The following RASSF2 variants were observed in gnomAD, a reference collection of about 807,000 sequenced individuals.
RASSF2 encodes the protein ras association domain-containing protein 2.
RASSF2 carries 34 observed loss-of-function variants against 46.3 expected under a neutral mutation model. That is an observed-to-expected ratio of 0.73 (90% CI 0.56 to 0.98). The LOEUF is 0.98. RASSF2 is among the 50% of genes least tolerant of loss of function. The pLI is 0.00. For missense variants in RASSF2, 364 were observed against 431.2 expected (o/e 0.84, Z 1.38); for synonymous variants, 158 against 162.5 (o/e 0.97, Z 0.21).
chr20:4,785,314 G>A (rs1046866429), intron 11 of RASSF2, among the ~76,000 whole-genome samples: 4 of 152,134 alleles, frequency 2.6e-5, no homozygotes, highest in African/African-American at 9.7e-5. Flanking sequence ...ACTCCAGCCT[G>A]AGCAACAGAG....
In RASSF2 at chr20:4,800,981, T is replaced by C. The variant is rs1433249237; in HGVS notation, c.50A>G (p.Tyr17Cys). ...CAGCAAAACGTCTTACTTGGAAATG[T>C]ATTTATCTTGTCCACATGGGACTAG... The part of the protein sequence containing the change: ...TSLVPCGQDK[Y>C]ISKNELLLHL... The change falls in exon 3 of 12, where the codon TAC becomes TGC. Residue 17 changes from tyrosine to cysteine, a missense_variant. Transcript: ENST00000379400. The C allele has an allele frequency of 6.2e-7, 1 of 1,610,952 alleles. No homozygotes were observed. Among genetic ancestry groups the C allele is most frequent in the Non-Finnish European group, 8.5e-7 (1 of 1,177,058 alleles).
At position 4,795,500 on chromosome 20, in the gene RASSF2, G is replaced by A; in HGVS notation, c.287+315C>T. Reference sequence around the variant, plus strand: ...GAAATATACAGGCTGGGCCTCACTAGCCACTAGCAGCTCCACTCAGAGACT... The same window carrying A: ...GAAATATACAGGCTGGGCCTCACTAACCACTAGCAGCTCCACTCAGAGACT... On this transcript the variant is annotated intron_variant, in intron 5 of 11. Transcript: ENST00000379400. This position sits in a 1 kb window ranked among gnomAD's most constrained non-coding sequence, Gnocchi z 4.0. 4.0e-6 allele frequency: 1 copy of A among 247,428 alleles called. No individual in the cohort carries two copies. Among genetic ancestry groups the A allele is most frequent in the East Asian group, 8.8e-5 (1 of 11,368 alleles). The allele number at this position is 247,428 out of a possible 1,614,324, so 15.3% of individuals were successfully genotyped here.
intron 5 of RASSF2, among the ~76,000 whole-genome samples, 172 bp from the exon 6 acceptor site, chr20:4,792,799 C>T (rs76810038): frequency 2.3e-3 from 352 of 152,260 alleles, no homozygotes; most frequent in Non-Finnish European, 4.0e-3. Flanking sequence ...CGGAGCATCC[C>T]GTGAAAGGCT....
At chr20:4,815,999 T>C (rs1157648614) in intron 2 of RASSF2, among the ~76,000 whole-genome samples, 2 of 152,254 alleles carry the variant, frequency 1.3e-5, no homozygotes, top group African/African-American at 4.8e-5. Flanking sequence ...TAAACATTTT[T>C]TGTTTTATTT....
chr20:4,794,986 GA>G (rs1283892249), intron 5 of RASSF2, among the ~76,000 whole-genome samples: 4 of 152,174 alleles, frequency 2.6e-5, no homozygotes, highest in African/African-American at 9.6e-5. Flanking sequence ...ATTTAAACCA[GA>G]AAAAAAGGTC....
chr20:4,800,858 C>A (rs1488834937), intron 3 of RASSF2, 114 bp downstream of exon 3: 57 of 855,036 alleles, frequency 6.7e-5, no homozygotes, highest in Admixed American at 6.0e-5. Flanking sequence ...CATGCAGGAG[C>A]CCCACCAGTC....
chr20:4,802,196 C>T (rs553507006), intron 2 of RASSF2, among the ~76,000 whole-genome samples: 3 of 152,288 alleles, frequency 2.0e-5, no homozygotes, highest in African/African-American at 4.8e-5. Flanking sequence ...CTCAGCCTCC[C>T]GAGTAGCTGG....
chr20:4,801,101 T>G, intron 2 of RASSF2, 39 bp from the exon 3 acceptor site: 2 of 1,551,692 alleles, frequency 1.3e-6, no homozygotes, highest in Non-Finnish European at 1.8e-6. Context: ...AAAGTCAAGT[T>G]GTGTGCTTGG....
Position 4,788,287 on chromosome 20 carries a change from A to T in RASSF2, c.640-19T>A. The T allele has an allele frequency of 6.3e-7, 1 of 1,599,530 alleles. No homozygotes were observed. The highest frequency in any genetic ancestry group is 8.6e-7 in the Non-Finnish European group (1 of 1,166,710). ...TCTCAATCTGAAGCAGGAGCAAAAG[A>T]TTCTTGTTGAAAGTTTCTATTTAAA... On this transcript the variant is annotated intron_variant, in intron 8 of 11. Coordinates refer to ENST00000379400, the MANE Select transcript of RASSF2 (RefSeq NM_014737.3).
At chr20:4,799,184 C>G (rs1926653896) in intron 3 of RASSF2, among the ~76,000 whole-genome samples, 1 of 152,136 alleles carries the variant, frequency 6.6e-6, no homozygotes, top group Non-Finnish European at 1.5e-5. Context: ...AAAATAAAAA[C>G]CCTTAGAAAC....
chr20:4,791,515 C>T (rs1254590923), intron 6 of RASSF2, among the ~76,000 whole-genome samples: 1 of 152,174 alleles, frequency 6.6e-6, no homozygotes. Flanking sequence ...ATATGTCTAT[C>T]CTTGTATGTG....
chr20:4,781,736 G>A lies in RASSF2; in HGVS notation c.*2537C>T, dbSNP rs965608078. The A allele has an allele frequency of 6.6e-6, 1 of 152,132 alleles. No individual in the cohort carries two copies. Among genetic ancestry groups the A allele is most frequent in the Admixed American group, 6.5e-5 (1 of 15,280 alleles). 9.4% of individuals were successfully genotyped at this position (152,132 alleles called of 1,614,324 possible). A position where few individuals can be genotyped will look rare whatever the true frequency, so the allele number is the denominator to read the frequency against. Reference sequence around the variant, plus strand: ...GATGCAGCTAAACTGCTTTTCACAAGTTGGAAAAAAAACCCAACCCTATAA... The same window carrying A: ...GATGCAGCTAAACTGCTTTTCACAAATTGGAAAAAAAACCCAACCCTATAA... On this transcript the variant is annotated 3_prime_UTR_variant, in exon 12 of 12. Transcript: ENST00000379400.
chr20:4,810,981 G>A (rs1601129343), intron 2 of RASSF2, among the ~76,000 whole-genome samples: 4 of 152,220 alleles, frequency 2.6e-5, no homozygotes, highest in East Asian at 1.9e-4. Context: ...AGAGACACCC[G>A]ACGTCACAGC....
rs1243407684 is a variant in RASSF2 at position 4,781,835 on chromosome 20, G to A, written c.*2438C>T. The A allele has an allele frequency of 7.9e-5, 12 of 152,220 alleles. No individual in the cohort carries two copies. The highest frequency in any genetic ancestry group is 7.9e-4 in the Admixed American group (12 of 15,282). 9.4% of individuals were successfully genotyped at this position (152,220 alleles called of 1,614,324 possible). A position where few individuals can be genotyped will look rare whatever the true frequency, so the allele number is the denominator to read the frequency against. On this transcript the variant is annotated 3_prime_UTR_variant, in exon 12 of 12. Transcript: ENST00000379400. ...CATAAACTCCCACAAATCGGTCGAAGAGTTCAAAACTGCAAGACCATGTGA... is the reference window on the plus strand; with the variant it reads ...CATAAACTCCCACAAATCGGTCGAAAAGTTCAAAACTGCAAGACCATGTGA...
At position 4,784,193 on chromosome 20, in the gene RASSF2, G is replaced by T. The variant is rs974331423; in HGVS notation, c.*80C>A. The T allele has an allele frequency of 2.1e-6, 3 of 1,414,856 alleles. No homozygotes were observed. Among genetic ancestry groups the T allele is most frequent in the African/African-American group, 2.8e-5 (2 of 70,604 alleles). The allele number at this position is 1,414,856 out of a possible 1,614,324, so 87.6% of individuals were successfully genotyped here. Reference sequence around the variant, plus strand: ...AGGTTTGTGTCTAAATGTTTCCATGGAAAGAAAGTGCCTAGCTTCCTGGGG... The same window carrying T: ...AGGTTTGTGTCTAAATGTTTCCATGTAAAGAAAGTGCCTAGCTTCCTGGGG... On this transcript the variant is annotated 3_prime_UTR_variant, in exon 12 of 12. Transcript: ENST00000379400.
Position 4,782,487 on chromosome 20 carries a change from T to G in RASSF2, c.*1786A>C, listed in dbSNP as rs1447658413. 6.5e-6 allele frequency: 1 copy of G among 152,672 alleles called. No homozygotes were observed. Among genetic ancestry groups the G allele is most frequent in the Admixed American group, 6.5e-5 (1 of 15,290 alleles). 9.5% of individuals were successfully genotyped at this position (152,672 alleles called of 1,614,324 possible). On this transcript the variant is annotated 3_prime_UTR_variant, in exon 12 of 12. Coordinates refer to ENST00000379400, the MANE Select transcript of RASSF2 (RefSeq NM_014737.3). ...GTTCTGTGCAGCTTGCAGAAGCCCT[T>G]CTGGGCTTCCACTCCATGCCCCACA...
intron 2 of RASSF2, among the ~76,000 whole-genome samples, chr20:4,820,329 A>T (rs1928606913): frequency 6.6e-6 from 1 of 151,626 alleles, no homozygotes; most frequent in East Asian, 1.9e-4. Context: ...ACATAGCGAG[A>T]CTTCATCTCT....
At chr20:4,796,621 T>G (rs188613139) in intron 4 of RASSF2, among the ~76,000 whole-genome samples, 32 of 152,116 alleles carry the variant, frequency 2.1e-4, no homozygotes, top group African/African-American at 7.5e-4. Flanking sequence ...CTTGCAGGAG[T>G]CCCCAATTTA....
In RASSF2 at chr20:4,782,656, G is replaced by T. The variant is rs1402261681; in HGVS notation, c.*1617C>A. On this transcript the variant is annotated 3_prime_UTR_variant, in exon 12 of 12. Transcript: ENST00000379400. ...TCAAGAAGCCATAGGTATGAATCGG[G>T]GGCAGGAGGGTGCCCAGGGCAGAAA... is the stretch of plus-strand genomic sequence containing the variant. The T allele has an allele frequency of 6.6e-6, 1 of 152,358 alleles. No individual in the cohort carries two copies. Among genetic ancestry groups the T allele is most frequent in the African/African-American group, 2.4e-5 (1 of 41,468 alleles). The allele number at this position is 152,358 out of a possible 1,614,324, so 9.4% of individuals were successfully genotyped here.
Sources: gnomAD v4.1 joint callset for allele counts (sites outside exome capture counted in the v4.1 genomes callset) on GRCh38, gnomAD v4.1.1 for gene constraint, Gnocchi (gnomAD v3.1) non-coding constraint, MANE v1.5 for transcripts, NCBI Gene and HGNC (gene_info 2026-07-23, HGNC 2026-07-21) for gene names.